ITGAM: variants seen among roughly 807,000 people sequenced by gnomAD.
The protein encoded by ITGAM is integrin alpha-M.
ITGAM carries 79 observed loss-of-function variants against 137.5 expected under a neutral mutation model. The ratio of observed to expected loss-of-function variants is 0.57; its 90% CI spans 0.48 to 0.69. The LOEUF (loss-of-function observed/expected upper bound fraction) is 0.69, where lower values mean the gene tolerates loss of function less well. Ranked by LOEUF, ITGAM falls within the 30% of genes least tolerant of loss-of-function variation. The pLI, the probability that ITGAM is intolerant of heterozygous loss-of-function variation, is 0.00. For synonymous variants in ITGAM, 583 were observed against 592.3 expected (o/e 0.98, Z 0.23); for missense variants, 1,343 against 1,483.5 (o/e 0.91, Z 1.56).
rs758035052 is a variant in ITGAM at position 31,265,472 on chromosome 16, G to A, written c.212G>A (p.Gly71Asp). Reference protein sequence around the residue: ...GSLYQCDYSTGSCEPIRLQVP... With the variant: ...GSLYQCDYSTDSCEPIRLQVP... ...CTCTACCAGTGCGACTACAGCACAG[G>A]CTCATGCGAGCCCATCCGCCTGCAG... Residue 71 changes from glycine (G) to aspartate (D), a missense_variant, in exon 3 of 30, where the codon GGC (glycine) becomes GAC (aspartate). Physicochemically the swap from Gly to Asp is moderately conservative, Grantham distance 94. Transcript: ENST00000544665. 1 of 1,603,500 alleles carries A rather than the reference G, an allele frequency of 6.2e-7. No individual in the cohort carries two copies. Among genetic ancestry groups the A allele is most frequent in the South Asian group, 1.1e-5 (1 of 89,252 alleles).
At chr16:31,276,058 A>G (rs1469652601) in intron 9 of ITGAM, among the ~76,000 whole-genome samples, 2 of 152,188 alleles carry the variant, frequency 1.3e-5, no homozygotes, top group Non-Finnish European at 2.9e-5. Context: ...AAGGTGCTCA[A>G]TAAATGTTTG....
intron 14 of ITGAM, 49 bp from the exon 15 acceptor site, chr16:31,321,192 C>A: frequency 6.2e-7 from 1 of 1,606,328 alleles, no homozygotes; most frequent in Non-Finnish European, 8.5e-7. Context: ...TTATACATCT[C>A]CTGTCTTTCC....
intron 9 of ITGAM, 71 bp from the exon 10 acceptor site, chr16:31,276,600 G>A (rs2079908503): frequency 9.4e-7 from 1 of 1,068,754 alleles, no homozygotes; most frequent in African/African-American, 1.6e-5. Flanking sequence ...TCAAAATGTT[G>A]GGATTACAGG....
intron 12 of ITGAM, among the ~76,000 whole-genome samples, chr16:31,278,604 C>T (rs2079935088): frequency 6.6e-6 from 1 of 152,158 alleles, no homozygotes; most frequent in Non-Finnish European, 1.5e-5. Flanking sequence ...TTTTGAATAT[C>T]ACCCCTGCAA....
At chr16:31,274,264 A>T (rs1399769190) in intron 8 of ITGAM, among the ~76,000 whole-genome samples, 1 of 152,250 alleles carries the variant, frequency 6.6e-6, no homozygotes, top group Non-Finnish European at 1.5e-5. Flanking sequence ...TCAATATATA[A>T]GTTATAGGTT....
intron 15 of ITGAM, 36 bp from the exon 16 acceptor site, chr16:31,321,428 T>C (rs1232075206): frequency 6.2e-7 from 1 of 1,613,750 alleles, no homozygotes; most frequent in East Asian, 2.2e-5. Context: ...TGTTTCCTGT[T>C]TGAAGGTCCC....
intron 14 of ITGAM, among the ~76,000 whole-genome samples, chr16:31,299,779 C>T (rs1056994002): frequency 1.4e-4 from 20 of 142,218 alleles, no homozygotes; most frequent in African/African-American, 5.5e-4. Flanking sequence ...TCCTCCTCCT[C>T]CTCCGCCTCC....
At chr16:31,314,347 G>GT (rs1567274534) in intron 14 of ITGAM, among the ~76,000 whole-genome samples, 3 of 152,050 alleles carry the variant, frequency 2.0e-5, no homozygotes, top group Non-Finnish European at 2.9e-5. Context: ...TTATTCTAGG[G>GT]TTTTTATGGT....
intron 9 of ITGAM, among the ~76,000 whole-genome samples, 191 bp downstream of exon 9, chr16:31,275,890 C>T (rs912559004): frequency 6.6e-6 from 1 of 152,166 alleles, no homozygotes; most frequent in African/African-American, 2.4e-5. Context: ...ATACTTTTAT[C>T]TGTAATTTTG....
chr16:31,328,858 G>A (rs2080542356), intron 23 of ITGAM: 3 of 388,798 alleles, frequency 7.7e-6, no homozygotes, highest in South Asian at 2.5e-5. Flanking sequence ...ATGTGTGTGA[G>A]GGTCTATGTG....
At chr16:31,322,490 C>T (rs913331960) in intron 16 of ITGAM, among the ~76,000 whole-genome samples, 5 of 152,160 alleles carry the variant, frequency 3.3e-5, no homozygotes, top group Admixed American at 6.5e-5. Flanking sequence ...TAGGTCAGTA[C>T]TCCAAGACAC....
intron 3 of ITGAM, 148 bp downstream of exon 3, chr16:31,265,646 A>G: frequency 1.3e-6 from 1 of 766,352 alleles, no homozygotes; most frequent in Non-Finnish European, 2.1e-6. Context: ...TCTACCCTAG[A>G]CATCCCCAGG....
chr16:31,260,098 T>C lies in ITGAM; in HGVS notation c.28+6T>C. On this transcript the variant is annotated splice_donor_region_variant and intron_variant, in intron 1 of 29. Transcript: ENST00000544665. The stretch of plus-strand genomic sequence containing the variant: ...CAGAGTCCTTCTGTTAACAGGTGCA[T>C]GGGGGTGGGGTGGGGGACTCTGGGT... The C allele has an allele frequency of 6.2e-6, 2 of 320,924 alleles. No homozygotes were observed. The highest frequency in any genetic ancestry group is 2.3e-5 in the South Asian group (1 of 44,224). The allele number at this position is 320,924 out of a possible 1,614,324, so 19.9% of individuals were successfully genotyped here. A position where few individuals can be genotyped will look rare whatever the true frequency, so the allele number is the denominator to read the frequency against.
intron 12 of ITGAM, among the ~76,000 whole-genome samples, chr16:31,297,096 C>T (rs1050327173): frequency 2.0e-5 from 3 of 152,146 alleles, no homozygotes; most frequent in Non-Finnish European, 2.9e-5. Flanking sequence ...AGGAATACCA[C>T]CTGGAGTAAA....
intron 7 of ITGAM, among the ~76,000 whole-genome samples, chr16:31,272,442 T>TATATATAC (rs2079853778): frequency 1.1e-4 from 1 of 9,468 alleles, no homozygotes; most frequent in Non-Finnish European, 2.4e-4. Flanking sequence ...TATATATATA[T>TATATATAC]ATATATATAT....
chr16:31,325,531 C>A lies in ITGAM; in HGVS notation c.2537C>A (p.Ala846Asp), dbSNP rs2080499857. ...NQRSQRSWRL[A>D]CESASSTEVS... ...CGCTCACAGCGATCCTGGCGCCTGG[C>A]CTGTGAGTCTGCCTCCTCCACCGAA... The change falls in exon 21 of 30, where the codon GCC (alanine) becomes GAC (aspartate). Residue 846 changes from alanine to aspartate, a missense_variant. By Grantham distance (126) the Ala-to-Asp change is moderately radical (BLOSUM62 -2). Transcript: ENST00000544665. 6.2e-7 allele frequency: 1 copy of A among 1,613,864 alleles called. No homozygotes were observed. Among genetic ancestry groups the A allele is most frequent in the African/African-American group, 1.3e-5 (1 of 74,906 alleles).
At chr16:31,270,738 TATA>T (rs1369580946) in intron 5 of ITGAM, among the ~76,000 whole-genome samples, 81 of 115,104 alleles carry the variant, frequency 7.0e-4, no homozygotes, top group Non-Finnish European at 1.1e-3. Flanking sequence ...TATATATATA[TATA>T]TATGTTTTTA....
chr16:31,289,414 A>G (rs545098536), intron 12 of ITGAM, among the ~76,000 whole-genome samples: 1 of 152,356 alleles, frequency 6.6e-6, no homozygotes, highest in African/African-American at 2.4e-5. Flanking sequence ...ACCATGGAAT[A>G]CTATGCAGCC....
chr16:31,314,908 G>A (rs1231862239), intron 14 of ITGAM, among the ~76,000 whole-genome samples: 2 of 150,652 alleles, frequency 1.3e-5, no homozygotes, highest in Non-Finnish European at 2.9e-5. Context: ...CTGCCTCCAG[G>A]TTCAGGTGAT....
Sources: gnomAD v4.1 joint callset for allele counts (sites outside exome capture counted in the v4.1 genomes callset) on GRCh38, gnomAD v4.1.1 for gene constraint, MANE v1.5 for transcripts, NCBI Gene and HGNC (gene_info 2026-07-23, HGNC 2026-07-21) for gene names.